Variants in GSK3B observed in about 807,000 individuals in gnomAD.
GSK3B encodes the protein glycogen synthase kinase-3 beta.
GSK3B carries 15 observed loss-of-function variants against 56.4 expected under a neutral mutation model. The ratio of observed to expected loss-of-function variants is 0.27; its 90% CI spans 0.18 to 0.41. The LOEUF is 0.41. Ranked by LOEUF, GSK3B falls within the 10% of genes least tolerant of loss-of-function variation. The pLI is 1.00. For missense variants in GSK3B, 300 were observed against 513.4 expected (o/e 0.58, Z 4.02); for synonymous variants, 181 against 188.9 (o/e 0.96, Z 0.34).
intron 10 of GSK3B, among the ~76,000 whole-genome samples, chr3:119,827,241 T>C (rs919128972): frequency 3.3e-5 from 5 of 152,144 alleles, no homozygotes; most frequent in African/African-American, 1.2e-4. Flanking sequence ...CATGTTACAA[T>C]ATGCCATCTG....
Position 119,915,121 on chromosome 3 carries a change from T to C in GSK3B, c.608+923A>G, listed in dbSNP as rs191485820. On this transcript the variant is annotated intron_variant, in intron 5 of 10. Transcript: ENST00000264235. Reference sequence around the variant, plus strand: ...CAGAGAGGCACAAAGTACTGAAAACTGAAAATGGAAAGAATAAAGTTGTAT... The same window carrying C: ...CAGAGAGGCACAAAGTACTGAAAACCGAAAATGGAAAGAATAAAGTTGTAT... 4.6e-5 allele frequency among the ~76,000 whole-genome samples: 7 copies of C among 152,012 alleles called. No homozygotes were observed. In the East Asian group the frequency reaches 1.4e-3, roughly 29 times the overall value.
At chr3:119,959,444 A>G (rs1478519218) in intron 2 of GSK3B, among the ~76,000 whole-genome samples, 1 of 150,898 alleles carries the variant, frequency 6.6e-6, no homozygotes, top group African/African-American at 2.4e-5. Flanking sequence ...GCTGTTGGCA[A>G]TTCCACTCCT....
intron 1 of GSK3B, chr3:120,028,792 CTCCGCCAGTGG>C: frequency 2.2e-6 from 1 of 456,286 alleles, no homozygotes; most frequent in Non-Finnish European, 4.3e-6. Context: ...CAGGCGTGGT[CTCCGCCAGTGG>C]GCGGCCGCAG....
At chr3:119,839,340 T>C (rs921413312) in intron 10 of GSK3B, among the ~76,000 whole-genome samples, 7 of 152,184 alleles carry the variant, frequency 4.6e-5, no homozygotes, top group Non-Finnish European at 8.8e-5. Context: ...ATGATAATGG[T>C]TGATGGCATC....
intron 1 of GSK3B, among the ~76,000 whole-genome samples, chr3:120,068,281 C>T (rs1167161052): frequency 6.6e-6 from 1 of 151,636 alleles, no homozygotes; most frequent in Admixed American, 6.6e-5. Flanking sequence ...ATACCAGCTA[C>T]TCAGGAGGCT....
chr3:119,919,921 A>C (rs1333181117), intron 4 of GSK3B, among the ~76,000 whole-genome samples: 3 of 152,168 alleles, frequency 2.0e-5, no homozygotes, highest in African/African-American at 7.2e-5. Flanking sequence ...AAAGAGAAAA[A>C]TGTGTACCTT....
intron 1 of GSK3B, among the ~76,000 whole-genome samples, chr3:120,025,431 C>G (rs1271895016): frequency 6.6e-6 from 1 of 151,814 alleles, no homozygotes; most frequent in Non-Finnish European, 1.5e-5. Context: ...AAATTAATGG[C>G]AGGGAAGAAA....
chr3:119,877,120 A>C lies in GSK3B; in HGVS notation c.814-612T>G, dbSNP rs896057666. 1.3e-5 allele frequency among the ~76,000 whole-genome samples: 2 copies of C among 152,200 alleles called. 1 individual carries two copies. ...GACTTCTATGATAACAATAATGTTA[A>C]ATTTGGGTCATAAAAAAGATTACCA... On this transcript the variant is annotated intron_variant, in intron 7 of 10. Transcript: ENST00000264235.
intron 7 of GSK3B, among the ~76,000 whole-genome samples, chr3:119,884,395 G>C (rs1359259097): frequency 6.6e-6 from 1 of 152,178 alleles, no homozygotes; most frequent in Non-Finnish European, 1.5e-5. Flanking sequence ...GCCAGTGAGA[G>C]AGAGAGGAGA....
chr3:119,863,749 A>C, intron 8 of GSK3B, 144 bp from the exon 9 acceptor site: 1 of 587,418 alleles, frequency 1.7e-6, no homozygotes. Flanking sequence ...GAAAGAGTTA[A>C]ATGCATATGA....
intron 1 of GSK3B, among the ~76,000 whole-genome samples, chr3:120,004,917 A>T (rs2057712173): frequency 6.6e-6 from 1 of 152,228 alleles, no homozygotes; most frequent in Non-Finnish European, 1.5e-5. Context: ...AACTGGATGC[A>T]GAATGAGTTT....
intron 3 of GSK3B, among the ~76,000 whole-genome samples, chr3:119,929,792 C>T (rs1288261785): frequency 1.1e-4 from 17 of 151,860 alleles, no homozygotes. Context: ...ATCCCAGCTA[C>T]TCTGGACGCT....
chr3:119,985,061 AT>A (rs2057502076), intron 2 of GSK3B, among the ~76,000 whole-genome samples: 1 of 152,220 alleles, frequency 6.6e-6, no homozygotes, highest in African/African-American at 2.4e-5. Context: ...AACGTAATCC[AT>A]CACATAAACA....
chr3:119,944,902 CACAG>C (rs1042276631), intron 3 of GSK3B, among the ~76,000 whole-genome samples: 41 of 152,322 alleles, frequency 2.7e-4, no homozygotes, highest in African/African-American at 9.9e-4. Flanking sequence ...GCAAGAATTT[CACAG>C]ACATTTAGGT....
chr3:119,885,688 T>C lies in GSK3B; in HGVS notation c.814-9180A>G, dbSNP rs866569019. 4.6e-5 allele frequency among the ~76,000 whole-genome samples: 7 copies of C among 151,940 alleles called. No homozygotes were observed. The South Asian group carries it at 8.3e-4, about 18-fold the overall frequency. ...CTACATTAATCAAAACAGCATCATA[T>C]TGGCACAAAAACAGATTCATAGACC... On this transcript the variant is annotated intron_variant, in intron 7 of 10. Transcript: ENST00000264235.
In GSK3B at chr3:119,826,448, AGG is replaced by A; in HGVS notation, c.*338_*339del. On this transcript the variant is annotated 3_prime_UTR_variant, in exon 11 of 11. Coordinates refer to ENST00000264235, the MANE Select transcript of GSK3B (RefSeq NM_001146156.2). The stretch of plus-strand genomic sequence containing the variant: ...TTTCTTCTTTTGTGGAAGGGGCATG[AGG>A]CAGGAGTCCTGTTTTTAAAGTATAC... 2.2e-6 allele frequency: 1 copy of A among 460,870 alleles called. No individual in the cohort carries two copies. Among genetic ancestry groups the A allele is most frequent in the African/African-American group, 1.9e-5 (1 of 51,574 alleles). The allele number at this position is 460,870 out of a possible 1,614,324, so 28.5% of individuals were successfully genotyped here. A position where few individuals can be genotyped will look rare whatever the true frequency, so the allele number is the denominator to read the frequency against.
intron 2 of GSK3B, among the ~76,000 whole-genome samples, chr3:119,965,876 T>C (rs2057314198): frequency 6.6e-6 from 1 of 151,702 alleles, no homozygotes; most frequent in South Asian, 2.1e-4. Flanking sequence ...AACACTCTCC[T>C]CAATAAAGCC....
At chr3:120,088,964 C>T (rs938620982) in intron 1 of GSK3B, among the ~76,000 whole-genome samples, 1 of 152,210 alleles carries the variant, frequency 6.6e-6, no homozygotes, top group Non-Finnish European at 1.5e-5. Context: ...ATAAAGTGCA[C>T]ACACAAATAG....
chr3:119,947,139 T>C, intron 3 of GSK3B, 129 bp downstream of exon 3: 1 of 641,946 alleles, frequency 1.6e-6, no homozygotes, highest in Non-Finnish European at 2.8e-6. Context: ...GGCTGAGTAT[T>C]GCTGGGGCAA....
Sources: gnomAD v4.1 joint callset for allele counts (sites outside exome capture counted in the v4.1 genomes callset) on GRCh38, gnomAD v4.1.1 for gene constraint, MANE v1.5 for transcripts, NCBI Gene and HGNC (gene_info 2026-07-23, HGNC 2026-07-21) for gene names.